Variants in RABGAP1L observed in about 807,000 individuals in gnomAD.
RABGAP1L encodes rab GTPase-activating protein 1-like.
RABGAP1L carries 63 observed loss-of-function variants against 137.7 expected under a neutral mutation model. The observed-to-expected ratio is 0.46, with a 90% CI of 0.37 to 0.56. The LOEUF (loss-of-function observed/expected upper bound fraction) is 0.56, where lower values mean the gene tolerates loss of function less well. Among genes scored for constraint, RABGAP1L ranks in the 20% least tolerant of loss-of-function variants. The pLI, the probability that RABGAP1L is intolerant of heterozygous loss-of-function variation, is 0.00. For missense variants in RABGAP1L, 1,095 were observed against 1,244.0 expected, an observed-to-expected ratio of 0.88 and a Z score of 1.80; for synonymous variants, 431 against 433.7, an observed-to-expected ratio of 0.99 and a Z score of 0.08.
At chr1:174,789,266 A>G (rs916898530) in intron 18 of RABGAP1L, among the ~76,000 whole-genome samples, 1 of 152,162 alleles carries the variant, frequency 6.6e-6, no homozygotes, top group Non-Finnish European at 1.5e-5. Context: ...GAAGCATAAT[A>G]TTATGTATTA....
chr1:174,675,996 A>G (rs1677594720), intron 14 of RABGAP1L, among the ~76,000 whole-genome samples: 1 of 152,120 alleles, frequency 6.6e-6, no homozygotes, highest in Non-Finnish European at 1.5e-5. Flanking sequence ...TTTGAAGTAA[A>G]AGAAAGAAAA....
In RABGAP1L at chr1:174,969,268, C is replaced by T; in HGVS notation, c.2434-9C>T. The T allele has an allele frequency of 6.5e-7, 1 of 1,544,854 alleles. No homozygotes were observed. The highest frequency in any genetic ancestry group is 1.2e-5 in the South Asian group (1 of 83,932). On this transcript the variant is annotated splice_polypyrimidine_tract_variant and intron_variant, in intron 20 of 25. Transcript: ENST00000681986. ...CTAATGCCCACCTCTGGCTATTGTT[C>T]TTCTGCAGAGGGAGAACCGAAGATT...
intron 13 of RABGAP1L, among the ~76,000 whole-genome samples, chr1:174,563,092 C>T (rs12081103): frequency 1.1e-4 from 17 of 152,152 alleles, no homozygotes; most frequent in African/African-American, 4.1e-4. Flanking sequence ...ATGAGTAATT[C>T]CTGTAGACAT....
chr1:174,368,576 A>C (rs1222056652), intron 11 of RABGAP1L, among the ~76,000 whole-genome samples: 1 of 152,116 alleles, frequency 6.6e-6, no homozygotes, highest in Non-Finnish European at 1.5e-5. Flanking sequence ...TTTTTATTTT[A>C]GTCATGTTTT....
intron 13 of RABGAP1L, among the ~76,000 whole-genome samples, chr1:174,395,551 A>G (rs1056085585): frequency 1.3e-5 from 2 of 152,224 alleles, no homozygotes; most frequent in African/African-American, 4.8e-5. Context: ...ATGCATCACT[A>G]TAAAAAACTC....
intron 13 of RABGAP1L, among the ~76,000 whole-genome samples, chr1:174,562,240 A>G (rs1667272202): frequency 6.6e-6 from 1 of 152,264 alleles, no homozygotes; most frequent in Non-Finnish European, 1.5e-5. Context: ...CAGCCAACAA[A>G]CATATGAAAA....
intron 1 of RABGAP1L, among the ~76,000 whole-genome samples, chr1:174,208,553 T>C (rs1180736627): frequency 2.0e-5 from 3 of 152,190 alleles, no homozygotes; most frequent in African/African-American, 7.2e-5. Flanking sequence ...TTATGATTTT[T>C]CTTTAGCCTA....
chr1:174,704,581 A>G (rs916487140), intron 17 of RABGAP1L, among the ~76,000 whole-genome samples: 4 of 152,232 alleles, frequency 2.6e-5, no homozygotes, highest in African/African-American at 9.6e-5. Context: ...AGGCTTGCAG[A>G]ATAGGTTTCC....
intron 1 of RABGAP1L, among the ~76,000 whole-genome samples, chr1:174,164,077 A>G (rs1038987972): frequency 2.0e-5 from 3 of 151,890 alleles, no homozygotes; most frequent in Admixed American, 6.6e-5. Context: ...TTTTTTTTAT[A>G]CTATGGATTT....
At chr1:174,725,959 C>T (rs1681948961) in intron 17 of RABGAP1L, among the ~76,000 whole-genome samples, 2 of 151,738 alleles carry the variant, frequency 1.3e-5, no homozygotes, top group South Asian at 4.2e-4. Context: ...CGCATGTACC[C>T]TGAAACTTAA....
intron 20 of RABGAP1L, among the ~76,000 whole-genome samples, chr1:174,958,443 A>G (rs1668805668): frequency 6.6e-6 from 1 of 152,228 alleles, no homozygotes; most frequent in South Asian, 2.1e-4. Flanking sequence ...TCACACAGAT[A>G]CGTAACAGCT....
chr1:174,430,237 C>G (rs1230417976), intron 13 of RABGAP1L, among the ~76,000 whole-genome samples: 1 of 151,908 alleles, frequency 6.6e-6, no homozygotes, highest in Non-Finnish European at 1.5e-5. Context: ...CAGAAATTAG[C>G]CGGGTGTGGT....
At chr1:174,331,904 C>A (rs984548631) in intron 11 of RABGAP1L, among the ~76,000 whole-genome samples, 9 of 149,836 alleles carry the variant, frequency 6.0e-5, no homozygotes, top group Non-Finnish European at 7.4e-5. Flanking sequence ...TCAGTTTCCA[C>A]CTATGAGTGA....
At chr1:174,476,996 C>T (rs901686961) in intron 13 of RABGAP1L, among the ~76,000 whole-genome samples, 2 of 152,058 alleles carry the variant, frequency 1.3e-5, no homozygotes, top group African/African-American at 4.8e-5. Context: ...CAGCTGGGGC[C>T]CTCTGAAACA....
rs1276865162 is a variant in RABGAP1L at position 174,373,767 on chromosome 1, A to G, written c.1559+2695A>G. 3.9e-5 allele frequency among the ~76,000 whole-genome samples: 6 copies of G among 152,134 alleles called. No individual in the cohort carries two copies. In the South Asian group the frequency reaches 6.2e-4, roughly 16 times the overall value. ...TTCTGCCTTCCAACTGTACATCACT[A>G]TTACTCATGGGCAGAACCTAACCTG... is the stretch of plus-strand genomic sequence containing the variant. On this transcript the variant is annotated intron_variant, in intron 12 of 25. Coordinates refer to ENST00000681986, the MANE Select transcript of RABGAP1L (RefSeq NM_001366446.1).
chr1:174,307,439 T>C (rs1487722321), intron 11 of RABGAP1L, among the ~76,000 whole-genome samples: 5 of 152,162 alleles, frequency 3.3e-5, no homozygotes, highest in African/African-American at 9.6e-5. Context: ...ATATTATACC[T>C]ATTAAGCAGT....
intron 17 of RABGAP1L, among the ~76,000 whole-genome samples, chr1:174,730,007 T>C (rs911814706): frequency 6.6e-6 from 1 of 152,174 alleles, no homozygotes; most frequent in Non-Finnish European, 1.5e-5. Context: ...AGACATACAC[T>C]TACATGTTAA....
At chr1:174,895,240 T>A (rs899746346) in intron 19 of RABGAP1L, among the ~76,000 whole-genome samples, 2 of 152,208 alleles carry the variant, frequency 1.3e-5, no homozygotes, top group Non-Finnish European at 2.9e-5. Context: ...AACTTGAGAA[T>A]AAAGTGTTTA....
chr1:174,805,451 C>T (rs79463240), intron 18 of RABGAP1L, among the ~76,000 whole-genome samples: 3,305 of 152,228 alleles, frequency 0.022, 54 homozygotes, highest in Middle Eastern at 0.082. Flanking sequence ...GAGCAAAAGA[C>T]GGTTGTGTAG....
Sources: gnomAD v4.1 joint callset for allele counts (sites outside exome capture counted in the v4.1 genomes callset) on GRCh38, gnomAD v4.1.1 for gene constraint, MANE v1.5 for transcripts, NCBI Gene and HGNC (gene_info 2026-07-23, HGNC 2026-07-21) for gene names.